MEGF11: variants seen among roughly 807,000 people sequenced by gnomAD.
MEGF11 encodes multiple epidermal growth factor-like domains protein 11.
A neutral mutation model predicts 146.6 loss-of-function variants in MEGF11; 126 were observed. The ratio of observed to expected loss-of-function variants is 0.86; its 90% confidence interval spans 0.74 to 1.00. The LOEUF is 1.00. Among genes scored for constraint, MEGF11 ranks in the 50% least tolerant of loss-of-function variants. The pLI is 0.00. For synonymous variants in MEGF11, 532 were observed against 583.4 expected (o/e 0.91, Z 1.27); for missense variants, 1,509 against 1,521.2 (o/e 0.99, Z 0.13).
At chr15:66,178,959 C>T (rs1193211267) in intron 1 of MEGF11, among the ~76,000 whole-genome samples, 1 of 152,058 alleles carries the variant, frequency 6.6e-6, no homozygotes, top group Non-Finnish European at 1.5e-5. Context: ...AAACTTATTC[C>T]ATGACAAAAA....
chr15:66,150,375 T>C (rs1403497789), intron 1 of MEGF11, among the ~76,000 whole-genome samples: 1 of 152,214 alleles, frequency 6.6e-6, no homozygotes, highest in African/African-American at 2.4e-5. Context: ...CAATGTTCCC[T>C]GACTGTTAAT....
intron 1 of MEGF11, among the ~76,000 whole-genome samples, chr15:66,209,325 G>A (rs1267014450): frequency 6.6e-6 from 1 of 152,016 alleles, no homozygotes; most frequent in Non-Finnish European, 1.5e-5. Context: ...ACTCCAGCCT[G>A]GGCGACGGAG....
At chr15:66,146,384 G>A (rs886206141) in intron 1 of MEGF11, among the ~76,000 whole-genome samples, 2 of 152,220 alleles carry the variant, frequency 1.3e-5, no homozygotes, top group Admixed American at 1.3e-4. Context: ...CTAGACAACA[G>A]TGTCAGCAGA....
At chr15:66,086,598 G>C (rs187342494) in intron 5 of MEGF11, among the ~76,000 whole-genome samples, 2 of 152,210 alleles carry the variant, frequency 1.3e-5, no homozygotes, top group East Asian at 3.9e-4. Flanking sequence ...GTCGTTTTCA[G>C]ACAAACAAAT....
intron 15 of MEGF11, among the ~76,000 whole-genome samples, chr15:65,919,268 TTTTC>T (rs2079099456): frequency 6.6e-6 from 1 of 152,180 alleles, no homozygotes; most frequent in African/African-American, 2.4e-5. Flanking sequence ...TAGGTCTAAG[TTTTC>T]TTTATGTAGT....
chr15:66,214,978 C>T (rs2091550469), intron 1 of MEGF11, among the ~76,000 whole-genome samples: 1 of 152,098 alleles, frequency 6.6e-6, no homozygotes, highest in East Asian at 1.9e-4. Flanking sequence ...TCCTGCATGG[C>T]AAGGGCTGAG....
At chr15:66,112,076 A>T (rs1384781439) in intron 4 of MEGF11, among the ~76,000 whole-genome samples, 10 of 83,324 alleles carry the variant, frequency 1.2e-4, no homozygotes, top group African/African-American at 3.8e-4. Context: ...GCTAATAGTT[A>T]AAAAAAAAAA....
intron 23 of MEGF11, among the ~76,000 whole-genome samples, chr15:65,906,443 G>A (rs2078631472): frequency 6.6e-6 from 1 of 152,190 alleles, no homozygotes; most frequent in African/African-American, 2.4e-5. Flanking sequence ...CTAGGGGAGT[G>A]TCTTTCAGGA....
intron 5 of MEGF11, among the ~76,000 whole-genome samples, chr15:65,987,079 G>A (rs1000471122): frequency 6.6e-6 from 1 of 152,074 alleles, no homozygotes; most frequent in Non-Finnish European, 1.5e-5. Flanking sequence ...TTCAGACTTT[G>A]GGGTCCAGGC....
At chr15:65,989,098 A>C (rs1435478508) in intron 5 of MEGF11, among the ~76,000 whole-genome samples, 1 of 152,180 alleles carries the variant, frequency 6.6e-6, no homozygotes, top group African/African-American at 2.4e-5. Flanking sequence ...GCCCAAGCAT[A>C]GGTCCCTTGA....
intron 10 of MEGF11, among the ~76,000 whole-genome samples, chr15:65,949,555 C>G (rs1023211839): frequency 6.6e-6 from 1 of 152,152 alleles, no homozygotes; most frequent in Non-Finnish European, 1.5e-5. Context: ...AAATATGGGC[C>G]CCAAATCCTA....
At chr15:65,986,866 C>T (rs746477532) in intron 5 of MEGF11, among the ~76,000 whole-genome samples, 39 of 143,884 alleles carry the variant, frequency 2.7e-4, no homozygotes, top group Admixed American at 5.8e-4. Context: ...GGTGCAAACT[C>T]GGCTCACTGC....
chr15:66,147,662 C>T (rs1484132251), intron 1 of MEGF11, among the ~76,000 whole-genome samples: 1 of 152,172 alleles, frequency 6.6e-6, no homozygotes, highest in Non-Finnish European at 1.5e-5. Context: ...ACCGAGGCAG[C>T]AGAAGTGGCT....
intron 1 of MEGF11, among the ~76,000 whole-genome samples, chr15:66,130,202 T>C (rs1383516226): frequency 6.6e-6 from 1 of 152,200 alleles, no homozygotes; most frequent in Non-Finnish European, 1.5e-5. Flanking sequence ...GCCCGGGACA[T>C]GGCATTGAGC....
intron 5 of MEGF11, among the ~76,000 whole-genome samples, chr15:66,025,801 G>A (rs181360745): frequency 5.3e-5 from 8 of 152,252 alleles, no homozygotes; most frequent in African/African-American, 1.9e-4. Context: ...CAGACCCCAG[G>A]ACCTGCTTCC....
At chr15:65,939,563 C>T (rs993525431) in intron 10 of MEGF11, among the ~76,000 whole-genome samples, 12 of 150,084 alleles carry the variant, frequency 8.0e-5, no homozygotes. Flanking sequence ...GTTGCAATCT[C>T]AGCTCACGGT....
chr15:66,006,506 C>CT (rs769106796), intron 5 of MEGF11, among the ~76,000 whole-genome samples: 22 of 152,142 alleles, frequency 1.4e-4, no homozygotes, highest in East Asian at 1.3e-3. Context: ...TGGCTGAGCT[C>CT]TAAGGGCATG....
chr15:66,112,469 G>C (rs1272710031), intron 4 of MEGF11, among the ~76,000 whole-genome samples: 1 of 152,298 alleles, frequency 6.6e-6, no homozygotes, highest in Non-Finnish European at 1.5e-5. Flanking sequence ...GACTGAAAAT[G>C]AGAACTTAGG....
At chr15:66,029,467 T>A (rs1013142681) in intron 5 of MEGF11, among the ~76,000 whole-genome samples, 4 of 152,236 alleles carry the variant, frequency 2.6e-5, no homozygotes, top group African/African-American at 9.6e-5. Context: ...CCTGCTGGCC[T>A]GGCATAATTA....
Sources: gnomAD v4.1 joint callset for allele counts (sites outside exome capture counted in the v4.1 genomes callset) on GRCh38, gnomAD v4.1.1 for gene constraint, MANE v1.5 for transcripts, NCBI Gene and HGNC (gene_info 2026-07-23, HGNC 2026-07-21) for gene names.